The following ARHGEF10L variants were observed in gnomAD, a reference collection of about 807,000 sequenced individuals.
ARHGEF10L encodes Rho guanine nucleotide exchange factor 10 like, also known as rho guanine nucleotide exchange factor 10-like protein.
A neutral mutation model predicts 141.2 loss-of-function variants in ARHGEF10L; 69 were observed. That is an observed-to-expected ratio of 0.49 (90% CI 0.40 to 0.60). ARHGEF10L has a LOEUF of 0.60. Among genes scored for constraint, ARHGEF10L ranks in the 20% least tolerant of loss-of-function variants. ARHGEF10L has a pLI of 0.00. For missense variants in ARHGEF10L, 1,482 were observed against 1,734.3 expected, an observed-to-expected ratio of 0.85 and a Z score of 2.58; for synonymous variants, 711 against 718.5, an observed-to-expected ratio of 0.99 and a Z score of 0.17.
At chr1:17,575,581 G>T (rs887336235) in intron 1 of ARHGEF10L, among the ~76,000 whole-genome samples, 1 of 152,202 alleles carries the variant, frequency 6.6e-6, no homozygotes, top group African/African-American at 2.4e-5. Flanking sequence ...GCCCGGAGCC[G>T]ATGAGATCCG....
At chr1:17,595,496 A>T (rs1001053274) in intron 4 of ARHGEF10L, among the ~76,000 whole-genome samples, 2 of 151,778 alleles carry the variant, frequency 1.3e-5, no homozygotes. Context: ...CTCGACGCTC[A>T]CTCCCTGCTG....
intron 26 of ARHGEF10L, among the ~76,000 whole-genome samples, chr1:17,684,928 G>T (rs1306904606): frequency 6.6e-6 from 1 of 152,130 alleles, no homozygotes; most frequent in African/African-American, 2.4e-5. Context: ...CTCAGAAAAA[G>T]CAATTTCCTT....
chr1:17,668,706 C>T (rs2063132834), intron 26 of ARHGEF10L, among the ~76,000 whole-genome samples: 1 of 152,220 alleles, frequency 6.6e-6, no homozygotes, highest in African/African-American at 2.4e-5. Context: ...CATGTGCAGC[C>T]AGGGAAATGG....
chr1:17,536,701 GCCTTAAAT>G (rs2076580669), upstream of ARHGEF10L, among the ~76,000 whole-genome samples: 1 of 152,154 alleles, frequency 6.6e-6, no homozygotes, highest in South Asian at 2.1e-4. Flanking sequence ...CAGAGGAGGG[GCCTTAAAT>G]CAGAGGAGTG....
At chr1:17,610,808 G>A (rs1432854655) in intron 7 of ARHGEF10L, among the ~76,000 whole-genome samples, 6 of 152,202 alleles carry the variant, frequency 3.9e-5, no homozygotes, top group East Asian at 3.8e-4. Context: ...TCAGAGATCC[G>A]AAGAGGCCGT....
chr1:17,579,258 T>C (rs2078367974), intron 1 of ARHGEF10L, among the ~76,000 whole-genome samples: 1 of 151,916 alleles, frequency 6.6e-6, no homozygotes, highest in Admixed American at 6.5e-5. Context: ...TGACCTGAAG[T>C]GATCCGCCCA....
intron 22 of ARHGEF10L, 135 bp downstream of exon 22, chr1:17,648,810 T>G (rs1390664585): frequency 1.5e-6 from 2 of 1,314,880 alleles, no homozygotes; most frequent in Non-Finnish European, 2.0e-6. Flanking sequence ...AAATTCTTAC[T>G]GACAGATTTG....
chr1:17,697,111 C>G lies in ARHGEF10L; in HGVS notation c.3571C>G (p.Arg1191Gly). 6.2e-7 allele frequency: 1 copy of G among 1,609,660 alleles called. No homozygotes were observed. The highest frequency in any genetic ancestry group is 2.2e-5 in the East Asian group (1 of 44,778). The change falls in exon 29 of 29, where the codon CGG becomes GGG. Residue 1191 changes from arginine to glycine, a missense_variant. Arg to Gly is a moderately radical substitution (Grantham distance 125). Transcript: ENST00000361221. The surrounding 1 kb of genome is among the most constrained non-coding windows in gnomAD (Gnocchi z 4.8). ...AHLPGPLLSM[R>G]EPAPADGAAL... is the part of the protein sequence containing the mutation. ...CCTCCCGGGCCCGCTGCTCTCCATG[C>G]GGGAGCCGGCGCCTGCTGATGGCGC...
At position 17,621,198 on chromosome 1, in the gene ARHGEF10L, C is replaced by T. The variant is rs1184883557; in HGVS notation, c.943-666C>T. On this transcript the variant is annotated intron_variant, in intron 10 of 28. Coordinates refer to ENST00000361221, the MANE Select transcript of ARHGEF10L (RefSeq NM_018125.4). The surrounding 1 kb of genome is among the most constrained non-coding windows in gnomAD (Gnocchi z 4.1). ...GGATTTCATTCGCAAGTGAAGGGAGCTGAGATTCGGTTCATGCTAATGCTA... is the reference window on the plus strand; with the variant it reads ...GGATTTCATTCGCAAGTGAAGGGAGTTGAGATTCGGTTCATGCTAATGCTA... 6.6e-6 allele frequency among the ~76,000 whole-genome samples: 1 copy of T among 152,156 alleles called. No homozygotes were observed. The highest frequency in any genetic ancestry group is 6.5e-5 in the Admixed American group (1 of 15,284).
At chr1:17,549,951 G>A (rs1040239016) in intron 1 of ARHGEF10L, among the ~76,000 whole-genome samples, 1 of 152,158 alleles carries the variant, frequency 6.6e-6, no homozygotes, top group Non-Finnish European at 1.5e-5. Flanking sequence ...ACAAGACTAC[G>A]AACATTTGCA....
chr1:17,584,168 C>G (rs987883671), intron 2 of ARHGEF10L, among the ~76,000 whole-genome samples: 1 of 152,044 alleles, frequency 6.6e-6, no homozygotes, highest in African/African-American at 2.4e-5. Context: ...CCTCAGCCTC[C>G]CAAGTAGCTG....
intron 1 of ARHGEF10L, among the ~76,000 whole-genome samples, chr1:17,560,197 G>C (rs1019731137): frequency 6.6e-6 from 1 of 152,092 alleles, no homozygotes; most frequent in African/African-American, 2.4e-5. Flanking sequence ...CCGGGGGCAG[G>C]GGCTGCTGTA....
At position 17,624,452 on chromosome 1, in the gene ARHGEF10L, C is replaced by T; in HGVS notation, c.1266C>T (p.Ser422=). Residue 422 remains serine (S), a synonymous_variant, in exon 13 of 29, where the codon TCC becomes TCT. Coordinates refer to ENST00000361221, the MANE Select transcript of ARHGEF10L (RefSeq NM_018125.4). ...TGAACAACTTCACCAGTGCCATGTC[C>T]ATCATCAAGAAGGCCTGCCTCACCA... ...DYVNNFTSAM[S]IIKKACLTKP... 1.2e-6 allele frequency: 2 copies of T among 1,614,250 alleles called. No homozygotes were observed. The highest frequency in any genetic ancestry group is 3.3e-5 in the Admixed American group (2 of 60,020).
At chr1:17,669,934 C>T (rs2063210972) in intron 26 of ARHGEF10L, among the ~76,000 whole-genome samples, 1 of 152,178 alleles carries the variant, frequency 6.6e-6, no homozygotes, top group Non-Finnish European at 1.5e-5. Flanking sequence ...AGGCGGGATC[C>T]CAGAGGAGGC....
rs536390535 is a variant in ARHGEF10L at position 17,673,234 on chromosome 1, G to A, written c.3009+8639G>A. Among the ~76,000 whole-genome samples, 146 of 152,204 alleles carry A rather than the reference G, an allele frequency of 9.6e-4. 1 individual carries two copies. The highest frequency in any genetic ancestry group is 3.1e-3 in the African/African-American group (130 of 41,514). On this transcript the variant is annotated intron_variant, in intron 26 of 28. Transcript: ENST00000361221. This position sits in a 1 kb window ranked among gnomAD's most constrained non-coding sequence, Gnocchi z 4.1. Reference sequence around the variant, plus strand: ...GCACGGCAGGGGCAGTCCTGTCCTTGTGAGCCACCCCCCAGTCTTAGCTGG... The same window carrying A: ...GCACGGCAGGGGCAGTCCTGTCCTTATGAGCCACCCCCCAGTCTTAGCTGG...
intron 21 of ARHGEF10L, among the ~76,000 whole-genome samples, chr1:17,646,105 C>T (rs904700814): frequency 3.9e-5 from 6 of 152,174 alleles, no homozygotes; most frequent in South Asian, 2.1e-4. Flanking sequence ...TGACTCAGGC[C>T]GGAGGGTGTG....
At chr1:17,649,735 C>G (rs1194285111) in intron 22 of ARHGEF10L, among the ~76,000 whole-genome samples, 1 of 152,156 alleles carries the variant, frequency 6.6e-6, no homozygotes, top group East Asian at 1.9e-4. Context: ...ATCGGGGCCA[C>G]AGTAGATACG....
chr1:17,687,609 G>A lies in ARHGEF10L; in HGVS notation c.3046G>A (p.Val1016Met), dbSNP rs1054399491. ...GGCGCACCAGGACGAGGCAGTGAGC[G>A]TGACACACATGGTGAAGGCGGGCAG... ...FEAHQDEAVS[V>M]THMVKAGSGV... Residue 1016 changes from valine to methionine, a missense_variant, in exon 27 of 29, where the codon GTG becomes ATG. Physicochemically the swap from Val to Met is conservative, Grantham distance 21. This residue lies in a region of ARHGEF10L where 858 missense variants were observed against 966.3 expected (regional missense o/e 0.89). Coordinates refer to ENST00000361221, the MANE Select transcript of ARHGEF10L (RefSeq NM_018125.4). 1.1e-5 allele frequency: 17 copies of A among 1,613,152 alleles called. No individual in the cohort carries two copies. The highest frequency in any genetic ancestry group is 2.2e-5 in the East Asian group (1 of 44,878).
In ARHGEF10L at chr1:17,621,978, G is replaced by A. The variant is rs767330608; in HGVS notation, c.1020+37G>A. 1.9e-6 allele frequency: 3 copies of A among 1,609,078 alleles called. No homozygotes were observed. The highest frequency in any genetic ancestry group is 1.7e-6 in the Non-Finnish European group (2 of 1,175,514). The stretch of plus-strand genomic sequence containing the variant: ...GGGAGTTCTCAAGGGTCTCTGGGGA[G>A]AAGCAGGGAGGGCCCTGGAGGGTAA... On this transcript the variant is annotated intron_variant, in intron 11 of 28. Transcript: ENST00000361221. This position sits in a 1 kb window ranked among gnomAD's most constrained non-coding sequence, Gnocchi z 4.1.
Sources: gnomAD v4.1 joint callset for allele counts (sites outside exome capture counted in the v4.1 genomes callset) on GRCh38, gnomAD v4.1.1 for gene constraint, gnomAD v4.1.1 regional missense constraint, Gnocchi (gnomAD v3.1) non-coding constraint, MANE v1.5 for transcripts, NCBI Gene and HGNC (gene_info 2026-07-23, HGNC 2026-07-21) for gene names.